The following RGS17 variants were observed in gnomAD, a reference collection of about 807,000 sequenced individuals.
The protein encoded by RGS17 is regulator of G-protein signaling 17.
RGS17 carries 12 observed loss-of-function variants against 25.5 expected under a neutral mutation model. The observed-to-expected ratio is 0.47, with a 90% confidence interval of 0.30 to 0.76. The LOEUF (loss-of-function observed/expected upper bound fraction) is 0.76. RGS17 is among the 30% of genes least tolerant of loss of function. RGS17 has a pLI of 0.07. For synonymous variants in RGS17, 71 were observed against 76.9 expected (o/e 0.92, Z 0.40); for missense variants, 196 against 242.2 (o/e 0.81, Z 1.27).
At chr6:153,050,257 C>CT (rs1026758317) in intron 1 of RGS17, among the ~76,000 whole-genome samples, 9 of 151,670 alleles carry the variant, frequency 5.9e-5, no homozygotes, top group African/African-American at 2.2e-4. Flanking sequence ...AAAGGAAAAG[C>CT]TTTTTTTTAT....
chr6:153,083,237 T>C (rs1471931608), intron 1 of RGS17, among the ~76,000 whole-genome samples: 1 of 152,226 alleles, frequency 6.6e-6, no homozygotes, highest in Non-Finnish European at 1.5e-5. Context: ...TAAATGTTTA[T>C]CTGAATTGCA....
intron 1 of RGS17, among the ~76,000 whole-genome samples, chr6:153,112,124 T>C (rs1392455104): frequency 2.0e-5 from 3 of 152,036 alleles, no homozygotes; most frequent in African/African-American, 7.2e-5. Flanking sequence ...AGGTGTGTAA[T>C]AACAAACTCC....
intron 1 of RGS17, among the ~76,000 whole-genome samples, chr6:153,120,162 G>A (rs1777605400): frequency 6.6e-6 from 1 of 152,184 alleles, no homozygotes; most frequent in African/African-American, 2.4e-5. Flanking sequence ...GACGCTATAT[G>A]GCTCTACTGA....
At position 153,106,886 on chromosome 6, in the gene RGS17, G is replaced by A. The variant is rs569457791; in HGVS notation, c.-26+24238C>T. On this transcript the variant is annotated intron_variant, in intron 1 of 4. Transcript: ENST00000206262. ...TGACCTCAGGTGATCTGCCCACCTCGGCCTCCCAAAGTACTGGGATTATAG... is the reference window on the plus strand; with the variant it reads ...TGACCTCAGGTGATCTGCCCACCTCAGCCTCCCAAAGTACTGGGATTATAG... Among the ~76,000 whole-genome samples the A allele has an allele frequency of 7.9e-5, 12 of 151,352 alleles. No homozygotes were observed. In the South Asian group the frequency reaches 1.1e-3, roughly 13 times the overall value.
chr6:153,081,582 T>C (rs1477790257), intron 1 of RGS17, among the ~76,000 whole-genome samples: 1 of 151,918 alleles, frequency 6.6e-6, no homozygotes, highest in East Asian at 1.9e-4. Flanking sequence ...TTGGTTTTAG[T>C]CTACCACCTT....
intron 1 of RGS17, among the ~76,000 whole-genome samples, chr6:153,051,611 A>T (rs1355299849): frequency 6.6e-6 from 1 of 152,174 alleles, no homozygotes; most frequent in African/African-American, 2.4e-5. Context: ...ACTTGTGAGC[A>T]ATGAAGTTGG....
At chr6:153,070,716 TATACAC>T (rs1350759017) in intron 1 of RGS17, among the ~76,000 whole-genome samples, 1 of 150,830 alleles carries the variant, frequency 6.6e-6, no homozygotes, top group Non-Finnish European at 1.5e-5. Flanking sequence ...TACATATATA[TATACAC>T]ATATACATAT....
At chr6:153,068,135 T>C (rs550385186) in intron 1 of RGS17, among the ~76,000 whole-genome samples, 147 of 152,096 alleles carry the variant, frequency 9.7e-4, no homozygotes, top group Non-Finnish European at 1.9e-3. Flanking sequence ...ATCCCTATCT[T>C]TCACCATATA....
chr6:153,087,294 A>G (rs1187066533), intron 1 of RGS17, among the ~76,000 whole-genome samples: 2 of 152,202 alleles, frequency 1.3e-5, no homozygotes, highest in Non-Finnish European at 2.9e-5. Context: ...AAACAAACAA[A>G]CAGCTAAAAA....
chr6:153,125,678 C>A (rs1777693713), intron 1 of RGS17, among the ~76,000 whole-genome samples: 1 of 152,054 alleles, frequency 6.6e-6, no homozygotes, highest in Non-Finnish European at 1.5e-5. Context: ...ACAAGCAAAA[C>A]CCCGACTCTA....
At chr6:153,065,300 A>G (rs886270079) in intron 1 of RGS17, among the ~76,000 whole-genome samples, 2 of 152,208 alleles carry the variant, frequency 1.3e-5, no homozygotes, top group African/African-American at 4.8e-5. Flanking sequence ...ACAACCAGAT[A>G]TATACAGCAA....
At chr6:153,019,369 T>C (rs1199861541) in intron 4 of RGS17, among the ~76,000 whole-genome samples, 1 of 152,248 alleles carries the variant, frequency 6.6e-6, no homozygotes, top group African/African-American at 2.4e-5. Flanking sequence ...CTTAATGCTG[T>C]TTACAGTTGA....
At chr6:153,098,332 A>T (rs1429933233) in intron 1 of RGS17, among the ~76,000 whole-genome samples, 3 of 152,204 alleles carry the variant, frequency 2.0e-5, no homozygotes, top group Admixed American at 6.5e-5. Flanking sequence ...ATCTTCAATG[A>T]TGACATATCA....
intron 1 of RGS17, among the ~76,000 whole-genome samples, chr6:153,106,138 G>T (rs1283762641): frequency 2.0e-5 from 3 of 151,998 alleles, no homozygotes; most frequent in Non-Finnish European, 4.4e-5. Flanking sequence ...TCGACTCCTG[G>T]GGACTGTGTA....
intron 1 of RGS17, among the ~76,000 whole-genome samples, chr6:153,045,992 T>C (rs566476845): frequency 6.6e-6 from 1 of 152,252 alleles, no homozygotes; most frequent in South Asian, 2.1e-4. Context: ...ATATACATCA[T>C]GGAATACTAA....
chr6:153,090,449 GAAAAAAA>G (rs1215269696), intron 1 of RGS17, among the ~76,000 whole-genome samples: 3 of 83,264 alleles, frequency 3.6e-5, no homozygotes, highest in South Asian at 3.9e-4. Context: ...CATCTCTACT[GAAAAAAA>G]AAAAAAAAAA....
intron 4 of RGS17, among the ~76,000 whole-genome samples, chr6:153,014,643 GA>G (rs1779164910): frequency 6.6e-6 from 1 of 151,752 alleles, no homozygotes. Context: ...CTAAAAATAC[GA>G]AAAATTAGCC....
At chr6:153,043,073 G>A (rs1776342492) in intron 2 of RGS17, among the ~76,000 whole-genome samples, 1 of 152,160 alleles carries the variant, frequency 6.6e-6, no homozygotes, top group Admixed American at 6.5e-5. Flanking sequence ...CTGCATAAAT[G>A]TTAGGCACTT....
intron 4 of RGS17, 110 bp from the exon 5 acceptor site, chr6:153,011,872 CTACCAAAAGT>C: frequency 1.4e-6 from 1 of 731,368 alleles, no homozygotes; most frequent in Non-Finnish European, 2.1e-6. Flanking sequence ...GCAAATCCAA[CTACCAAAAGT>C]CTTGGGTTCA....
Sources: gnomAD v4.1 joint callset for allele counts (sites outside exome capture counted in the v4.1 genomes callset) on GRCh38, gnomAD v4.1.1 for gene constraint, MANE v1.5 for transcripts, NCBI Gene and HGNC (gene_info 2026-07-23, HGNC 2026-07-21) for gene names.